Variants in RSRC2 observed in about 807,000 individuals in gnomAD.
RSRC2 encodes the protein arginine/serine-rich coiled-coil protein 2.
A neutral mutation model predicts 61.3 loss-of-function variants in RSRC2; 5 were observed. The observed-to-expected ratio is 0.08, with a 90% confidence interval of 0.04 to 0.17. The LOEUF is 0.17. RSRC2 is among the 10% of genes least tolerant of loss of function. The probability of loss-of-function intolerance (pLI) is 1.00; values close to 1 mark genes in which losing one functional copy is unlikely to be tolerated. For missense variants in RSRC2, 381 were observed against 518.8 expected (o/e 0.73, Z 2.58); for synonymous variants, 202 against 166.5 (o/e 1.21, Z -1.64).
In RSRC2 at chr12:122,526,895, G is replaced by C. The variant is rs191414127; in HGVS notation, c.-42C>G. The C allele has an allele frequency of 1.2e-6, 2 of 1,612,426 alleles. No homozygotes were observed. The highest frequency in any genetic ancestry group is 2.2e-5 in the South Asian group (2 of 91,048). ...CGCTAGAGCGGCGCCTCCACTTGTC[G>C]CTTTCAACAGTACCGGCCGCTCCGA... On this transcript the variant is annotated 5_prime_UTR_variant, in exon 1 of 10. Transcript: ENST00000331738.
rs750190581 is a variant in RSRC2, at chr12:122,508,500, C to T, written c.806-53G>A. The T allele has an allele frequency of 1.2e-5, 16 of 1,367,616 alleles. No homozygotes were observed. The African/African-American group carries it at 1.7e-4, about 15-fold the overall frequency. The allele number at this position is 1,367,616 out of a possible 1,614,324, so 84.7% of individuals were successfully genotyped here. A position where few individuals can be genotyped will look rare whatever the true frequency, so the allele number is the denominator to read the frequency against. On this transcript the variant is annotated intron_variant, in intron 7 of 9. Coordinates refer to ENST00000331738, the MANE Select transcript of RSRC2 (RefSeq NM_023012.6). Reference sequence around the variant, plus strand: ...TTTAAAACGATTTTAAAACATAAACCTCCTGATTTACATTAACGAACGATT... The same window carrying T: ...TTTAAAACGATTTTAAAACATAAACTTCCTGATTTACATTAACGAACGATT...
chr12:122,512,245 T>A (rs556098229), intron 6 of RSRC2, among the ~76,000 whole-genome samples: 1 of 152,226 alleles, frequency 6.6e-6, no homozygotes, highest in Non-Finnish European at 1.5e-5. Context: ...AGTAACATTA[T>A]CTTCACAATG....
chr12:122,509,162 GC>G (rs1444457886), intron 7 of RSRC2, among the ~76,000 whole-genome samples: 2 of 150,774 alleles, frequency 1.3e-5, no homozygotes, highest in Admixed American at 1.3e-4. Flanking sequence ...ACAGTATGCA[GC>G]TAAGGCTGGG....
chr12:122,508,118 C>T, intron 8 of RSRC2, 100 bp downstream of exon 8: 1 of 1,133,434 alleles, frequency 8.8e-7, no homozygotes, highest in African/African-American at 1.5e-5. Context: ...CAGGTTCTTA[C>T]AAAGTTAAGC....
chr12:122,505,935 C>T (rs985559356), intron 9 of RSRC2, among the ~76,000 whole-genome samples: 28 of 152,082 alleles, frequency 1.8e-4, no homozygotes, highest in Non-Finnish European at 8.8e-5. Context: ...CATGCCACCA[C>T]GCCCAGCTAA....
chr12:122,507,794 TC>T, intron 8 of RSRC2: 1 of 182,978 alleles, frequency 5.5e-6, no homozygotes, highest in South Asian at 1.0e-4. Context: ...CAAGTGATTC[TC>T]CTGTTTCAGC....
At position 122,508,909 on chromosome 12, in the gene RSRC2, T is replaced by A. The variant is rs1000513300; in HGVS notation, c.806-462A>T. On this transcript the variant is annotated intron_variant, in intron 7 of 9. Transcript: ENST00000331738. ...AGGCGAAGGTTGCAGTGAGTCGAGA[T>A]CATGCCACTGCACTCCAGCCTGGGC... 4.6e-5 allele frequency among the ~76,000 whole-genome samples: 7 copies of A among 151,764 alleles called. No homozygotes were observed. In the South Asian group the frequency reaches 6.2e-4, roughly 14 times the overall value.
chr12:122,513,849 G>A, intron 6 of RSRC2: 14 of 981,272 alleles, frequency 1.4e-5, no homozygotes, highest in Non-Finnish European at 1.6e-5. Context: ...TACCAGCCTG[G>A]GCAACATAGG....
intron 7 of RSRC2, among the ~76,000 whole-genome samples, chr12:122,509,473 CAAAA>C (rs555748068): frequency 6.7e-6 from 1 of 148,402 alleles, no homozygotes; most frequent in Non-Finnish European, 1.5e-5. Context: ...AAAACAAAAA[CAAAA>C]AAAAACCCAA....
intron 6 of RSRC2, chr12:122,513,669 A>T (rs1958697976): frequency 3.1e-6 from 1 of 326,670 alleles, no homozygotes; most frequent in African/African-American, 2.2e-5. Context: ...TTCAGAAAGA[A>T]GATACGTGTG....
intron 2 of RSRC2, 54 bp downstream of exon 2, chr12:122,522,089 T>C: frequency 6.6e-7 from 1 of 1,523,496 alleles, no homozygotes; most frequent in South Asian, 1.2e-5. Context: ...ATACAACAGG[T>C]CTACATATCT....
chr12:122,510,545 G>A (rs964590162), intron 7 of RSRC2, among the ~76,000 whole-genome samples: 1 of 151,848 alleles, frequency 6.6e-6, no homozygotes, highest in African/African-American at 2.4e-5. Flanking sequence ...AACAAGATCT[G>A]TCATGATGAC....
At chr12:122,522,454 T>A (rs1959357253) in intron 1 of RSRC2, 155 bp from the exon 2 acceptor site, 3 of 648,186 alleles carry the variant, frequency 4.6e-6, no homozygotes, top group Non-Finnish European at 7.3e-6. Flanking sequence ...TGTACACTAA[T>A]AAGGCTGAAT....
intron 9 of RSRC2, chr12:122,506,615 T>C (rs971666628): frequency 3.1e-6 from 1 of 318,614 alleles, no homozygotes; most frequent in African/African-American, 2.2e-5. Context: ...CAAAACCCCG[T>C]CTCTCTCTCT....
chr12:122,524,898 A>C (rs574505252), intron 1 of RSRC2, among the ~76,000 whole-genome samples: 1 of 152,328 alleles, frequency 6.6e-6, no homozygotes, highest in Non-Finnish European at 1.5e-5. Flanking sequence ...CGAGGTAGCC[A>C]CTTTGGTTTC....
chr12:122,526,871 G>A lies in RSRC2; in HGVS notation c.-18C>T. ...ACCGCCATAGTTCAGAGTCCCGGCC[G>A]CTAGAGCGGCGCCTCCACTTGTCGC... On this transcript the variant is annotated 5_prime_UTR_variant, in exon 1 of 10. Coordinates refer to ENST00000331738, the MANE Select transcript of RSRC2 (RefSeq NM_023012.6). 6.2e-7 allele frequency: 1 copy of A among 1,614,182 alleles called. No individual in the cohort carries two copies. The highest frequency in any genetic ancestry group is 8.5e-7 in the Non-Finnish European group (1 of 1,179,974).
At chr12:122,507,917 C>G in intron 8 of RSRC2, 1 of 410,344 alleles carries the variant, frequency 2.4e-6, no homozygotes, top group South Asian at 2.1e-5. Context: ...TCTCCTGCCT[C>G]AGCCTCCCAA....
intron 1 of RSRC2, 149 bp downstream of exon 1, chr12:122,526,699 C>T (rs1960559666): frequency 3.4e-6 from 3 of 876,210 alleles, no homozygotes; most frequent in Non-Finnish European, 3.8e-6. Flanking sequence ...CTCCCTACAG[C>T]AGGCAGCCAT....
chr12:122,521,320 A>T, intron 3 of RSRC2, 65 bp downstream of exon 3: 1 of 1,285,640 alleles, frequency 7.8e-7, no homozygotes, highest in Non-Finnish European at 1.1e-6. Context: ...ATATTCATAC[A>T]AATCTTTCTA....
Sources: gnomAD v4.1 joint callset for allele counts (sites outside exome capture counted in the v4.1 genomes callset) on GRCh38, gnomAD v4.1.1 for gene constraint, MANE v1.5 for transcripts, NCBI Gene and HGNC (gene_info 2026-07-23, HGNC 2026-07-21) for gene names.